MISFA: variants seen among roughly 807,000 people sequenced by gnomAD.
The protein encoded by MISFA is mitochondrial sheath formation associated, also known as mitochondrial sheath formation-associated protein.
chr11:18,601,018 C>G, the MISFA span: 1 of 398,284 alleles, frequency 2.5e-6, no homozygotes, highest in Non-Finnish European at 4.4e-6. Flanking sequence ...CCCTTCTGGT[C>G]ACCACACAGA....
the MISFA span, among the ~76,000 whole-genome samples, chr11:18,604,957 G>A: frequency 1.3e-5 from 2 of 152,080 alleles, no homozygotes; most frequent in African/African-American, 4.8e-5. Context: ...AACCCAAGAA[G>A]TTAGGCCAGG....
At chr11:18,602,973 T>G in the MISFA span, 1 of 395,400 alleles carries the variant, frequency 2.5e-6, no homozygotes, top group East Asian at 3.6e-5. Flanking sequence ...CCACTTCAAT[T>G]CAGACTAGGC....
At chr11:18,609,105 AAATC>A in the MISFA span, 2 of 152,230 alleles carry the variant, frequency 1.3e-5, no homozygotes, top group African/African-American at 2.4e-5. Flanking sequence ...TTTTAGATAA[AAATC>A]AATCAGCACA....
the MISFA span, among the ~76,000 whole-genome samples, chr11:18,600,512 CTTTTTTTTTTTT>C: frequency 4.8e-4 from 26 of 54,052 alleles, no homozygotes; most frequent in South Asian, 8.2e-3. Context: ...TGGGGACATC[CTTTTTTTTTTTT>C]TTTTTTTTTT....
chr11:18,601,797 T>C, the MISFA span: 1 of 353,178 alleles, frequency 2.8e-6, no homozygotes, highest in Non-Finnish European at 5.0e-6. Context: ...TTTGTGACTT[T>C]CTAGCTACGT....
chr11:18,603,962 T>C, the MISFA span: 1 of 325,026 alleles, frequency 3.1e-6, no homozygotes. Flanking sequence ...AGTCTCGCTG[T>C]GTCGCCCAGG....
At chr11:18,607,686 G>A in the MISFA span, 13 of 152,324 alleles carry the variant, frequency 8.5e-5, no homozygotes, top group African/African-American at 2.7e-4. Context: ...TGGAAACAAG[G>A]CCAAAATTTA....
the MISFA span, chr11:18,608,472 T>C: frequency 6.6e-6 from 1 of 152,236 alleles, no homozygotes; most frequent in Admixed American, 6.5e-5. Context: ...CCCCATACAA[T>C]GGCTTAAGAT....
chr11:18,606,391 C>A, the MISFA span: 1 of 175,978 alleles, frequency 5.7e-6, no homozygotes. Flanking sequence ...TAAATGCAAA[C>A]CAGCAAAAAT....
At chr11:18,608,311 T>G in the MISFA span, 2 of 152,670 alleles carry the variant, frequency 1.3e-5, no homozygotes, top group African/African-American at 2.4e-5. Context: ...CTGGCTCATA[T>G]GGTCCCATTA....
At chr11:18,602,550 T>C in the MISFA span, 2 of 152,676 alleles carry the variant, frequency 1.3e-5, no homozygotes, top group East Asian at 1.9e-4. Flanking sequence ...AGGAAAGTTG[T>C]AAATAGGCTC....
chr11:18,602,806 A>G, the MISFA span, among the ~76,000 whole-genome samples: 1 of 152,178 alleles, frequency 6.6e-6, no homozygotes, highest in Non-Finnish European at 1.5e-5. Flanking sequence ...GACACACCAG[A>G]GCACAGGGCC....
At chr11:18,600,875 C>A in the MISFA span, among the ~76,000 whole-genome samples, 1 of 152,086 alleles carries the variant, frequency 6.6e-6, no homozygotes, top group East Asian at 1.9e-4. Context: ...TATAGCTGTA[C>A]TTGTTTCAAA....
At chr11:18,609,008 CAT>C in the MISFA span, 1 of 151,030 alleles carries the variant, frequency 6.6e-6, no homozygotes, top group African/African-American at 2.4e-5. Flanking sequence ...GAGAGCCTCA[CAT>C]GTTACTTCCT....
At chr11:18,604,416 G>A in the MISFA span, among the ~76,000 whole-genome samples, 1 of 151,872 alleles carries the variant, frequency 6.6e-6, no homozygotes, top group Non-Finnish European at 1.5e-5. Context: ...AGCACTTTGG[G>A]AGGCCAACAC....
the MISFA span, among the ~76,000 whole-genome samples, chr11:18,600,800 G>A: frequency 3.3e-5 from 5 of 151,986 alleles, no homozygotes; most frequent in Admixed American, 1.3e-4. Flanking sequence ...GATTACAGGC[G>A]TGAGCCACTG....
At chr11:18,609,252 G>A in the MISFA span, 2 of 152,618 alleles carry the variant, frequency 1.3e-5, no homozygotes, top group African/African-American at 2.4e-5. Context: ...CTAAATTAAT[G>A]AGTAAGAATG....
the MISFA span, chr11:18,603,678 C>T: frequency 2.5e-6 from 1 of 398,250 alleles, no homozygotes; most frequent in African/African-American, 2.1e-5. Flanking sequence ...GGTAACCTCC[C>T]CTGCCAGTCC....
the MISFA span, chr11:18,601,378 T>C: frequency 2.0e-5 from 8 of 398,096 alleles, no homozygotes; most frequent in African/African-American, 1.2e-4. Context: ...GGTGTTGTTT[T>C]GAAGACTGTT....
Sources: allele counts gnomAD v4.1 joint callset (sites outside exome capture counted in the v4.1 genomes callset), GRCh38; gene constraint gnomAD v4.1.1; transcripts MANE v1.5; gene names NCBI Gene and HGNC (gene_info 2026-07-23, HGNC 2026-07-21).